PTK2: variants seen among roughly 807,000 people sequenced by gnomAD.
PTK2 encodes the protein focal adhesion kinase 1.
A neutral mutation model predicts 150.1 loss-of-function variants in PTK2; 45 were observed. That is an observed-to-expected ratio of 0.30 (90% CI 0.24 to 0.38). The LOEUF (loss-of-function observed/expected upper bound fraction) is 0.38, where lower values mean the gene tolerates loss of function less well. PTK2 is among the 10% of genes least tolerant of loss of function. The pLI is 1.00. For synonymous variants in PTK2, 432 were observed against 449.2 expected (o/e 0.96, Z 0.48); for missense variants, 919 against 1,307.3 (o/e 0.70, Z 4.58).
intron 12 of PTK2, among the ~76,000 whole-genome samples, chr8:140,798,863 C>T (rs988913992): frequency 2.0e-5 from 3 of 151,870 alleles, no homozygotes; most frequent in East Asian, 1.9e-4. Flanking sequence ...AAGAAGAAAA[C>T]GTCAAAAATA....
intron 1 of PTK2, among the ~76,000 whole-genome samples, chr8:140,986,890 C>A (rs2100193456): frequency 6.6e-6 from 1 of 152,090 alleles, no homozygotes; most frequent in Non-Finnish European, 1.5e-5. Flanking sequence ...AATCATAAAC[C>A]TAAAAGTAAA....
intron 1 of PTK2, among the ~76,000 whole-genome samples, chr8:140,949,033 C>G (rs996612913): frequency 6.6e-6 from 1 of 151,178 alleles, no homozygotes; most frequent in Admixed American, 6.6e-5. Context: ...CCCTCTTCTT[C>G]CTCCTCCTCC....
intron 12 of PTK2, among the ~76,000 whole-genome samples, chr8:140,793,824 A>G (rs1450790132): frequency 1.3e-5 from 2 of 152,232 alleles, no homozygotes; most frequent in Non-Finnish European, 2.9e-5. Context: ...ATGGCTGCCA[A>G]CGGAATGAAT....
intron 3 of PTK2, among the ~76,000 whole-genome samples, chr8:140,889,857 G>A (rs2100153634): frequency 6.6e-6 from 1 of 152,110 alleles, no homozygotes; most frequent in Non-Finnish European, 1.5e-5. Flanking sequence ...AGTTACCTTT[G>A]CCTAGCATGC....
rs2100083414 is a variant in PTK2 at position 140,784,058 on chromosome 8, G to A, written c.1177+5416C>T. Among the ~76,000 whole-genome samples, 2 of 150,746 alleles carry A rather than the reference G, an allele frequency of 1.3e-5. 1 individual carries two copies. Among genetic ancestry groups the A allele is most frequent in the South Asian group, 4.1e-4 (2 of 4,828 alleles). ...CACAACTGTAGTCCCACCTACTCGGGAGGCAGAGGCAGAGGCAGGAGGCTT... is the reference window on the plus strand; with the variant it reads ...CACAACTGTAGTCCCACCTACTCGGAAGGCAGAGGCAGAGGCAGGAGGCTT... On this transcript the variant is annotated intron_variant, in intron 14 of 31. Coordinates refer to ENST00000522684, the Ensembl canonical transcript of PTK2.
intron 23 of PTK2, among the ~76,000 whole-genome samples, chr8:140,716,995 C>T (rs569998661): frequency 2.0e-5 from 3 of 152,162 alleles, no homozygotes; most frequent in Non-Finnish European, 2.9e-5. Flanking sequence ...CTGACCTCTC[C>T]GAGGCAGGAG....
chr8:140,890,271 A>C (rs1008041484), intron 3 of PTK2: 1 of 354,680 alleles, frequency 2.8e-6, no homozygotes, highest in Non-Finnish European at 5.0e-6. Flanking sequence ...AAGAGTTAAA[A>C]AAAAAAAAAA....
At chr8:140,976,197 T>A (rs2100189203) in intron 1 of PTK2, among the ~76,000 whole-genome samples, 1 of 152,208 alleles carries the variant, frequency 6.6e-6, no homozygotes, top group Admixed American at 6.5e-5. Context: ...GTTTCTTAGA[T>A]AAAATGCATT....
chr8:140,979,500 GA>G (rs1251247066), intron 1 of PTK2, among the ~76,000 whole-genome samples: 1 of 150,898 alleles, frequency 6.6e-6, no homozygotes, highest in Non-Finnish European at 1.5e-5. Context: ...ACTAATAAGG[GA>G]AGTTCAAATT....
chr8:140,839,388 TGA>T (rs2100120915), intron 7 of PTK2, among the ~76,000 whole-genome samples: 4 of 152,030 alleles, frequency 2.6e-5, no homozygotes, highest in Admixed American at 1.3e-4. Context: ...GTGGCCTGAG[TGA>T]GAGTCAGAGT....
intron 1 of PTK2, among the ~76,000 whole-genome samples, chr8:140,997,552 T>C (rs1166316058): frequency 1.3e-5 from 2 of 152,224 alleles, no homozygotes; most frequent in Non-Finnish European, 2.9e-5. Flanking sequence ...CCACCCTGAT[T>C]TGTCAGCAGC....
At chr8:140,761,677 C>G (rs191212778) in intron 15 of PTK2, among the ~76,000 whole-genome samples, 116 of 152,112 alleles carry the variant, frequency 7.6e-4, no homozygotes, top group African/African-American at 2.7e-3. Flanking sequence ...TTACAAATAA[C>G]TACAGTTTGT....
intron 26 of PTK2, among the ~76,000 whole-genome samples, chr8:140,690,771 G>A (rs555334974): frequency 1.6e-4 from 25 of 152,198 alleles, no homozygotes; most frequent in African/African-American, 5.8e-4. Context: ...CATTTATATA[G>A]GGCAAACTGA....
chr8:140,919,847 T>C (rs1265208322), intron 2 of PTK2, among the ~76,000 whole-genome samples: 2 of 152,172 alleles, frequency 1.3e-5, no homozygotes, highest in African/African-American at 2.4e-5. Context: ...TCACGTTTTG[T>C]AAATGTTTAA....
chr8:140,720,633 C>T (rs758334395), intron 22 of PTK2, among the ~76,000 whole-genome samples: 15 of 152,178 alleles, frequency 9.9e-5, no homozygotes, highest in Non-Finnish European at 4.4e-5. Context: ...ACCTATGTGA[C>T]GAGCTCTGAA....
chr8:140,965,785 G>A (rs1486086194), intron 1 of PTK2, among the ~76,000 whole-genome samples: 2 of 152,162 alleles, frequency 1.3e-5, no homozygotes, highest in Non-Finnish European at 2.9e-5. Context: ...GCTGAGACAG[G>A]AGAATCACTC....
At chr8:140,735,101 C>T in intron 22 of PTK2, 150 bp downstream of exon 25, 1 of 715,864 alleles carries the variant, frequency 1.4e-6, no homozygotes, top group Non-Finnish European at 2.3e-6. Flanking sequence ...CAAAGAAATG[C>T]AAATCAATTT....
At chr8:140,727,771 T>C (rs1442830547) in intron 22 of PTK2, among the ~76,000 whole-genome samples, 1 of 152,190 alleles carries the variant, frequency 6.6e-6, no homozygotes, top group African/African-American at 2.4e-5. Context: ...AAGATGTGCT[T>C]GGTATTTTGA....
chr8:140,756,739 C>T (rs2154531826), intron 16 of PTK2, among the ~76,000 whole-genome samples: 1 of 151,140 alleles, frequency 6.6e-6, no homozygotes, highest in East Asian at 1.9e-4. Flanking sequence ...CCTGTAATCC[C>T]AGCACTTTGG....
Sources: gnomAD v4.1 joint callset for allele counts (sites outside exome capture counted in the v4.1 genomes callset) on GRCh38, gnomAD v4.1.1 for gene constraint, MANE v1.5 for transcripts, NCBI Gene and HGNC (gene_info 2026-07-23, HGNC 2026-07-21) for gene names.